SRRM2: variants seen among roughly 807,000 people sequenced by gnomAD.
SRRM2 encodes the protein serine/arginine repetitive matrix 2.
In SRRM2, 30 loss-of-function variants were observed where a neutral mutation model predicts 213.8. The observed-to-expected ratio is 0.14, with a 90% confidence interval of 0.10 to 0.19. SRRM2 has a LOEUF of 0.19. Ranked by LOEUF, SRRM2 falls within the 10% of genes least tolerant of loss-of-function variation. SRRM2 has a pLI of 1.00. For synonymous variants in SRRM2, 2,025 were observed against 1,377.7 expected (o/e 1.47, Z -10.40); for missense variants, 4,904 against 3,647.0 (o/e 1.34, Z -8.88).
chr16:2,765,901 T>G lies in SRRM2; in HGVS notation c.5373T>G (p.Ser1791=). The part of the protein sequence containing the change: ...KTRTTRRRDR[S]GSSQSTSRRR... ...GAACAACCCGACGTCGAGATAGGTCTGGATCTTCTCAGTCAACCTCTCGGC... is the reference window on the plus strand; with the variant it reads ...GAACAACCCGACGTCGAGATAGGTCGGGATCTTCTCAGTCAACCTCTCGGC... Residue 1791 remains serine (S), a synonymous_variant, in exon 11 of 15, where the codon TCT becomes TCG. Coordinates refer to ENST00000301740, the MANE Select transcript of SRRM2 (RefSeq NM_016333.4). The G allele has an allele frequency of 6.2e-7, 1 of 1,614,154 alleles. No individual in the cohort carries two copies.
At chr16:2,756,855 G>C (rs1482592154) in intron 2 of SRRM2, among the ~76,000 whole-genome samples, 2 of 152,108 alleles carry the variant, frequency 1.3e-5, no homozygotes, top group African/African-American at 4.8e-5. Flanking sequence ...GGAGAAGGGA[G>C]GGGCCATTGA....
In SRRM2 at chr16:2,765,603, G is replaced by A. The variant is rs781325063; in HGVS notation, c.5075G>A (p.Arg1692Gln). ...SRTPPRRRSS[R>Q]SSPELTRKAR... ...ACACCACCTCGACGTCGCAGCTCTC[G>A]ATCATCTCCGGAGCTAACAAGGAAG... The change falls in exon 11 of 15, where the codon CGA (arginine) becomes CAA (glutamine). Residue 1692 changes from arginine to glutamine, a missense_variant. Physicochemically the swap from Arg to Gln is conservative, Grantham distance 43. Transcript: ENST00000301740. 3.1e-6 allele frequency: 5 copies of A among 1,613,992 alleles called. No homozygotes were observed. Among genetic ancestry groups the A allele is most frequent in the African/African-American group, 2.7e-5 (2 of 74,890 alleles).
intron 5 of SRRM2, 155 bp from the exon 6 acceptor site, chr16:2,758,830 G>T: frequency 1.2e-6 from 1 of 808,878 alleles, no homozygotes. Flanking sequence ...TGTGCTTGTT[G>T]GAGAAAGAAG....
At position 2,770,734 on chromosome 16, in the gene SRRM2, G is replaced by T. The variant is rs200336915; in HGVS notation, c.8249+17G>T. Reference sequence around the variant, plus strand: ...CTCCTCCAGGTGCGTGTCCTGGAAGGCTGATGCCCCCTTCCGGGAGCCAGT... The same window carrying T: ...CTCCTCCAGGTGCGTGTCCTGGAAGTCTGATGCCCCCTTCCGGGAGCCAGT... On this transcript the variant is annotated intron_variant, in intron 14 of 14. Coordinates refer to ENST00000301740, the MANE Select transcript of SRRM2 (RefSeq NM_016333.4). 1.9e-6 allele frequency: 3 copies of T among 1,579,104 alleles called. 1 individual carries two copies. The South Asian group carries it at 3.4e-5, about 18-fold the overall frequency.
At position 2,765,529 on chromosome 16, in the gene SRRM2, T is replaced by C; in HGVS notation, c.5001T>C (p.Thr1667=). 6.2e-7 allele frequency: 1 copy of C among 1,614,150 alleles called. No homozygotes were observed. Among genetic ancestry groups the C allele is most frequent in the Non-Finnish European group, 8.5e-7 (1 of 1,180,020 alleles). The part of the protein sequence containing the change: ...SSPEHPPKSR[T]ARRGSRSSPE... ...CTGAACATCCGCCCAAATCCAGAAC[T>C]GCTCGCAGAGGTTCCAGGTCATCAC... is the stretch of plus-strand genomic sequence containing the variant. Residue 1667 remains threonine, a synonymous_variant, in exon 11 of 15, where the codon ACT becomes ACC. Transcript: ENST00000301740.
intron 1 of SRRM2, among the ~76,000 whole-genome samples, chr16:2,755,214 G>A (rs943269805): frequency 6.6e-6 from 1 of 152,224 alleles, no homozygotes; most frequent in Admixed American, 6.5e-5. Flanking sequence ...GGAAAGCTGG[G>A]ACTTGAGAAT....
chr16:2,768,885 C>CCCAGA (rs2068636380), intron 11 of SRRM2, 112 bp from the exon 12 acceptor site: 1 of 1,551,746 alleles, frequency 6.4e-7, no homozygotes, highest in Non-Finnish European at 8.7e-7. Context: ...TCGGAGAGCT[C>CCCAGA]CCAGCGCCTT....
Position 2,771,182 on chromosome 16 carries a change from T to G in SRRM2, c.*315T>G. On this transcript the variant is annotated 3_prime_UTR_variant, in exon 15 of 15. Coordinates refer to ENST00000301740, the MANE Select transcript of SRRM2 (RefSeq NM_016333.4). The stretch of plus-strand genomic sequence containing the variant: ...AGGGCCAGGGAGGCATGGCCCCACT[T>G]GTATCCAGAAGTTCCCAGGGGTGAT... The G allele has an allele frequency of 2.1e-5, 13 of 628,578 alleles. 1 individual carries two copies. In the South Asian group the frequency reaches 2.5e-4, roughly 12 times the overall value. 38.9% of individuals were successfully genotyped at this position (628,578 alleles called of 1,614,324 possible).
In SRRM2 at chr16:2,764,211, C is replaced by T. The variant is rs760296588; in HGVS notation, c.3683C>T (p.Ala1228Val). The T allele has an allele frequency of 2.5e-6, 4 of 1,614,098 alleles. No homozygotes were observed. The highest frequency in any genetic ancestry group is 2.2e-5 in the East Asian group (1 of 44,900). ...SSPETKEQNS[A>V]LPTSSQDEEL... is the part of the protein sequence containing the mutation. ...CCAGAAACAAAAGAGCAAAATAGTG[C>T]ATTGCCTACGTCAAGCCAAGATGAA... Residue 1228 changes from alanine to valine, a missense_variant, in exon 11 of 15, where the codon GCA (alanine) becomes GTA (valine). Transcript: ENST00000301740.
At position 2,770,600 on chromosome 16, in the gene SRRM2, G is replaced by T; in HGVS notation, c.8136-4G>T. ...TGTGGCCTGATGTCTGTCCTGTGTT[G>T]CAGCAGCAGCAGTGAGCGGGGTTCC... On this transcript the variant is annotated splice_polypyrimidine_tract_variant and splice_region_variant and intron_variant, in intron 13 of 14. Transcript: ENST00000301740. The T allele has an allele frequency of 6.4e-7, 1 of 1,551,844 alleles. No homozygotes were observed. The highest frequency in any genetic ancestry group is 2.4e-5 in the East Asian group (1 of 41,082).
In SRRM2 at chr16:2,762,860, A is replaced by G. The variant is rs774730068; in HGVS notation, c.2332A>G (p.Ser778Gly). ...KAKSRLSLRR[S>G]LSGSSPCPKQ... ...AAAATCTCGCTTGTCTTTGAGGCGC[A>G]GCCTTTCAGGGTCTTCCCCATGCCC... is the stretch of plus-strand genomic sequence containing the variant. Residue 778 changes from serine (S) to glycine (G), a missense_variant, in exon 11 of 15, where the codon AGC becomes GGC. Physicochemically the swap from Ser to Gly is moderately conservative, Grantham distance 56 (BLOSUM62 0). Coordinates refer to ENST00000301740, the MANE Select transcript of SRRM2 (RefSeq NM_016333.4). The G allele has an allele frequency of 6.2e-7, 1 of 1,614,174 alleles. No homozygotes were observed. Among genetic ancestry groups the G allele is most frequent in the Non-Finnish European group, 8.5e-7 (1 of 1,180,028 alleles).
rs745557180 is a variant in SRRM2, at chr16:2,770,586, G to A, written c.8136-18G>A. The A allele has an allele frequency of 7.7e-6, 12 of 1,552,778 alleles. No homozygotes were observed. The highest frequency in any genetic ancestry group is 7.3e-5 in the East Asian group (3 of 41,114). ...AGGTGGTGCCACCCTGTGGCCTGAT[G>A]TCTGTCCTGTGTTGCAGCAGCAGCA... On this transcript the variant is annotated intron_variant, in intron 13 of 14. Coordinates refer to ENST00000301740, the MANE Select transcript of SRRM2 (RefSeq NM_016333.4).
Position 2,763,755 on chromosome 16 carries a change from T to C in SRRM2, c.3227T>C (p.Val1076Ala). Residue 1076 changes from valine (V) to alanine (A), a missense_variant, in exon 11 of 15, where the codon GTG (valine) becomes GCG (alanine). Physicochemically the swap from Val to Ala is moderately conservative, Grantham distance 64 (BLOSUM62 0). Coordinates refer to ENST00000301740, the MANE Select transcript of SRRM2 (RefSeq NM_016333.4). ...AGATCTGATACTTCAAGTCCAGAAG[T>C]GAGACAGAGTCATTCAGAATCACCA... is the stretch of plus-strand genomic sequence containing the variant. ...DHRSDTSSPE[V>A]RQSHSESPSL... 6.2e-7 allele frequency: 1 copy of C among 1,614,158 alleles called. No homozygotes were observed. Among genetic ancestry groups the C allele is most frequent in the Non-Finnish European group, 8.5e-7 (1 of 1,180,036 alleles).
chr16:2,763,880 A>G lies in SRRM2; in HGVS notation c.3352A>G (p.Arg1118Gly). ...ATCCAGATCTCCAATAAGACAAGAT[A>G]GAGGTGAGTTCTCAGCGAGTCCTAT... ...LASRSPIRQD[R>G]GEFSASPMLK... The change falls in exon 11 of 15, where the codon AGA becomes GGA. Residue 1118 changes from arginine to glycine, a missense_variant. By Grantham distance (125) the Arg-to-Gly change is moderately radical. Transcript: ENST00000301740. The G allele has an allele frequency of 6.2e-7, 1 of 1,614,244 alleles. No individual in the cohort carries two copies. The highest frequency in any genetic ancestry group is 8.5e-7 in the Non-Finnish European group (1 of 1,180,034).
chr16:2,770,488 G>A (rs1441515734), intron 13 of SRRM2, 23 bp downstream of exon 13: 3 of 1,589,950 alleles, frequency 1.9e-6, no homozygotes, highest in Non-Finnish European at 1.7e-6. Context: ...GCAGGTGTCA[G>A]CACCCAGCCT....
chr16:2,759,778 C>A (rs767296713), intron 9 of SRRM2, 117 bp downstream of exon 9: 34 of 878,692 alleles, frequency 3.9e-5, no homozygotes, highest in Admixed American at 6.8e-5. Flanking sequence ...AGACACGGTC[C>A]CTGCCCTCTA....
rs369710402 is a variant in SRRM2, at chr16:2,770,651, G to T, written c.8183G>T (p.Arg2728Leu). The T allele has an allele frequency of 1.3e-6, 2 of 1,552,272 alleles. No individual in the cohort carries two copies. Among genetic ancestry groups the T allele is most frequent in the South Asian group, 1.2e-5 (1 of 84,344 alleles). ...CGGAGAGGCCAGCGTGGGGACAGCC[G>T]CTCCCCCAGCCACAAGCGCAGGAGG... ...GSRRGQRGDS[R>L]SPSHKRRRET... is the part of the protein sequence containing the mutation. Residue 2728 changes from arginine to leucine, a missense_variant, in exon 14 of 15, where the codon CGC becomes CTC. Coordinates refer to ENST00000301740, the MANE Select transcript of SRRM2 (RefSeq NM_016333.4).
intron 2 of SRRM2, among the ~76,000 whole-genome samples, chr16:2,757,212 A>G (rs1017734343): frequency 3.9e-5 from 6 of 152,002 alleles, no homozygotes; most frequent in African/African-American, 1.5e-4. Context: ...GGGGAGGAGC[A>G]CTTGGAACCC....
chr16:2,763,178 A>C lies in SRRM2; in HGVS notation c.2650A>C (p.Arg884=). 1 of 1,614,104 alleles carries C rather than the reference A, an allele frequency of 6.2e-7. No individual in the cohort carries two copies. Among genetic ancestry groups the C allele is most frequent in the African/African-American group, 1.3e-5 (1 of 75,018 alleles). The change falls in exon 11 of 15, where the codon AGG becomes CGG. Residue 884 remains arginine, a synonymous_variant. Coordinates refer to ENST00000301740, the MANE Select transcript of SRRM2 (RefSeq NM_016333.4). The stretch of plus-strand genomic sequence containing the variant: ...ATCACCTGACCCTGAGTTGAAATCT[A>C]GGACCCCTTCTAGACATAGCTGCTC... The part of the protein sequence containing the change: ...ESSPDPELKS[R]TPSRHSCSGS...
Sources: allele counts gnomAD v4.1 joint callset (sites outside exome capture counted in the v4.1 genomes callset), GRCh38; gene constraint gnomAD v4.1.1; transcripts MANE v1.5; gene names NCBI Gene and HGNC (gene_info 2026-07-23, HGNC 2026-07-21).